Variants in EPS8L1 observed in about 807,000 individuals in gnomAD.
The protein encoded by EPS8L1 is EPS8 signaling adaptor L1.
In EPS8L1, 101 loss-of-function variants were observed where a neutral mutation model predicts 91.7. The ratio of observed to expected loss-of-function variants is 1.10; its 90% CI spans 0.94 to 1.30. EPS8L1 has a LOEUF of 1.30. Among genes scored for constraint, EPS8L1 ranks in the 50% most tolerant of loss-of-function variants. The pLI, the probability that EPS8L1 is intolerant of heterozygous loss-of-function variation, is 0.00. For synonymous variants in EPS8L1, 506 were observed against 445.3 expected, an observed-to-expected ratio of 1.14 and a Z score of -1.72; for missense variants, 1,114 against 1,017.0, an observed-to-expected ratio of 1.10 and a Z score of -1.30.
intron 2 of EPS8L1, among the ~76,000 whole-genome samples, chr19:55,077,092 G>A (rs2076147130): frequency 6.6e-6 from 1 of 152,132 alleles, no homozygotes; most frequent in South Asian, 2.1e-4. Flanking sequence ...TTCCCCTGAC[G>A]CCACCTGATC....
At position 55,086,485 on chromosome 19, in the gene EPS8L1, G is replaced by C. The variant is rs1366462213; in HGVS notation, c.1744G>C (p.Asp582His). Residue 582 changes from aspartate (D) to histidine (H), a missense_variant, in exon 17 of 20, where the codon GAT (aspartate) becomes CAT (histidine). Asp to His is a moderately conservative substitution (Grantham distance 81). Transcript: ENST00000201647. ...GGACAGGCCCCGCTGGGACAGCTGCGATAGCCTCAACGGCTTGGACCCCAG... is the reference window on the plus strand; with the variant it reads ...GGACAGGCCCCGCTGGGACAGCTGCCATAGCCTCAACGGCTTGGACCCCAG... ...RWDRPRWDSC[D>H]SLNGLDPSEK... 2 of 1,551,526 alleles carry C rather than the reference G, an allele frequency of 1.3e-6. No homozygotes were observed. The highest frequency in any genetic ancestry group is 1.4e-5 in the African/African-American group (1 of 73,058).
chr19:55,080,469 T>C (rs1038761800), intron 6 of EPS8L1, 191 bp downstream of exon 6: 16 of 1,613,064 alleles, frequency 9.9e-6, no homozygotes, highest in African/African-American at 4.0e-5. Flanking sequence ...AGGGTCAAGA[T>C]AGAACATGAA....
In EPS8L1 at chr19:55,086,819, C is replaced by G. The variant is rs768077956; in HGVS notation, c.1883C>G (p.Pro628Arg). 5 of 1,576,194 alleles carry G rather than the reference C, an allele frequency of 3.2e-6. No homozygotes were observed. The highest frequency in any genetic ancestry group is 4.3e-6 in the Non-Finnish European group (5 of 1,162,032). ...RAVPGPRAPE[P>R]QLSPGSDASE... ...GTCCCAGGGCCCCGCGCCCCGGAAC[C>G]GCAGCTCAGCCCGGGCTCGGACGCC... The change falls in exon 18 of 20, where the codon CCG (proline) becomes CGG (arginine). Residue 628 changes from proline (P) to arginine (R), a missense_variant. Transcript: ENST00000201647.
chr19:55,086,162 G>A lies in EPS8L1; in HGVS notation c.1620G>A (p.Leu540=), dbSNP rs1400165773. Residue 540 remains leucine, a synonymous_variant, in exon 16 of 20, where the codon CTG becomes CTA. Coordinates refer to ENST00000201647, the MANE Select transcript of EPS8L1 (RefSeq NM_133180.3). The stretch of plus-strand genomic sequence containing the variant: ...TGACACCCTACCCCGGACCCCGGCT[G>A]CACCACAGCCAAAGCCCTGCCCGCA... ...NILTPYPGPR[L]HHSQSPARSL... The A allele has an allele frequency of 1.2e-6, 2 of 1,603,756 alleles. No homozygotes were observed. The highest frequency in any genetic ancestry group is 3.4e-5 in the Admixed American group (2 of 59,270).
At chr19:55,087,163 G>A in intron 18 of EPS8L1, 140 bp from the exon 19 acceptor site, 2 of 1,298,388 alleles carry the variant, frequency 1.5e-6, no homozygotes. Flanking sequence ...TGGTGGGTGG[G>A]GTTCAGGAGG....
intron 14 of EPS8L1, among the ~76,000 whole-genome samples, chr19:55,085,165 G>A (rs1403202790): frequency 6.6e-6 from 1 of 151,936 alleles, no homozygotes; most frequent in Non-Finnish European, 1.5e-5. Flanking sequence ...AAGTGGTACA[G>A]AAGTGGTAGC....
In EPS8L1 at chr19:55,083,363, T is replaced by C. The variant is rs1470935345; in HGVS notation, c.1215-15T>C. 6.2e-7 allele frequency: 1 copy of C among 1,611,150 alleles called. No homozygotes were observed. Among genetic ancestry groups the C allele is most frequent in the African/African-American group, 1.3e-5 (1 of 74,994 alleles). ...ATCAGGATCCCTGAGCTCTTGGCCCTGTCCCTGGCCGCAGGCTGGAGCTGT... is the reference window on the plus strand; with the variant it reads ...ATCAGGATCCCTGAGCTCTTGGCCCCGTCCCTGGCCGCAGGCTGGAGCTGT... On this transcript the variant is annotated splice_polypyrimidine_tract_variant and intron_variant, in intron 12 of 19. Coordinates refer to ENST00000201647, the MANE Select transcript of EPS8L1 (RefSeq NM_133180.3). This position sits in a 1 kb window ranked among gnomAD's most constrained non-coding sequence, Gnocchi z 4.7.
At position 55,086,902 on chromosome 19, in the gene EPS8L1, G is replaced by C; in HGVS notation, c.1952+14G>C. 7.1e-7 allele frequency: 1 copy of C among 1,417,836 alleles called. No individual in the cohort carries two copies. Among genetic ancestry groups the C allele is most frequent in the Non-Finnish European group, 9.2e-7 (1 of 1,091,602 alleles). 87.8% of individuals were successfully genotyped at this position (1,417,836 alleles called of 1,614,324 possible). ...CTTTAGCTCCGGGTGAGTGGGGCCG[G>C]GGCCCTCTCGGCGCGGGTTGATACG... is the stretch of plus-strand genomic sequence containing the variant. On this transcript the variant is annotated intron_variant, in intron 18 of 19. Transcript: ENST00000201647.
In EPS8L1 at chr19:55,087,725, G is replaced by A; in HGVS notation, c.*111G>A. On this transcript the variant is annotated 3_prime_UTR_variant, in exon 20 of 20. Coordinates refer to ENST00000201647, the MANE Select transcript of EPS8L1 (RefSeq NM_133180.3). ...TCTGAAGGATGGCCAATCTGCTCCGGCCCTGGTCTTCCCCCATCCCGGTGG... is the reference window on the plus strand; with the variant it reads ...TCTGAAGGATGGCCAATCTGCTCCGACCCTGGTCTTCCCCCATCCCGGTGG... The A allele has an allele frequency of 9.0e-7, 1 of 1,115,496 alleles. No homozygotes were observed. The allele number at this position is 1,115,496 out of a possible 1,614,324, so 69.1% of individuals were successfully genotyped here.
At position 55,078,847 on chromosome 19, in the gene EPS8L1, G is replaced by A. The variant is rs2076190530; in HGVS notation, c.59-152G>A. Reference sequence around the variant, plus strand: ...TCCTGGGTTTGAGGGAGGAGGGGCTGGGGGCCTGGACTCCTGGGTCAGAGG... The same window carrying A: ...TCCTGGGTTTGAGGGAGGAGGGGCTAGGGGCCTGGACTCCTGGGTCAGAGG... On this transcript the variant is annotated intron_variant, in intron 3 of 19. Coordinates refer to ENST00000201647, the MANE Select transcript of EPS8L1 (RefSeq NM_133180.3). 6 of 511,822 alleles carry A rather than the reference G, an allele frequency of 1.2e-5. No homozygotes were observed. In the South Asian group the frequency reaches 1.2e-4, roughly 10 times the overall value. 31.7% of individuals were successfully genotyped at this position (511,822 alleles called of 1,614,324 possible).
intron 4 of EPS8L1, 158 bp from the exon 5 acceptor site, chr19:55,079,532 C>A: frequency 1.2e-6 from 1 of 818,318 alleles, no homozygotes; most frequent in Non-Finnish European, 1.9e-6. Context: ...AAACAAAGGG[C>A]ACTGGGAGGA....
At chr19:55,080,400 G>T in intron 6 of EPS8L1, 122 bp downstream of exon 6, 1 of 1,572,804 alleles carries the variant, frequency 6.4e-7, no homozygotes, top group Non-Finnish European at 8.6e-7. Context: ...TCAGAGCAAG[G>T]AAGGGCAGGG....
chr19:55,079,613 G>A (rs2076209413), intron 4 of EPS8L1, 77 bp from the exon 5 acceptor site: 1 of 1,528,814 alleles, frequency 6.5e-7, no homozygotes, highest in African/African-American at 1.4e-5. Flanking sequence ...CAGGCTGAAA[G>A]TCTGATTATT....
rs748184456 is a variant in EPS8L1, at chr19:55,082,265, C to T, written c.991-10C>T. 3 of 1,610,478 alleles carry T rather than the reference C, an allele frequency of 1.9e-6. No individual in the cohort carries two copies. The highest frequency in any genetic ancestry group is 1.7e-5 in the Admixed American group (1 of 59,734). Reference sequence around the variant, plus strand: ...CACCCACGCCAACCACCTCCCTCCCCACGCCCCAGGCCCGGCTGCGCGGCA... The same window carrying T: ...CACCCACGCCAACCACCTCCCTCCCTACGCCCCAGGCCCGGCTGCGCGGCA... On this transcript the variant is annotated splice_polypyrimidine_tract_variant and intron_variant, in intron 10 of 19. Coordinates refer to ENST00000201647, the MANE Select transcript of EPS8L1 (RefSeq NM_133180.3).
chr19:55,081,697 T>TGC lies in EPS8L1; in HGVS notation c.775-75_775-74dup. 6.5e-7 allele frequency: 1 copy of TGC among 1,537,086 alleles called. No individual in the cohort carries two copies. Among genetic ancestry groups the TGC allele is most frequent in the Non-Finnish European group, 8.8e-7 (1 of 1,140,716 alleles). ...GGCCTGATCTGGGGAAGTGTATAGG[T>TGC]GCTCAGGTTCAGGGCTTCGACGGGG... On this transcript the variant is annotated intron_variant, in intron 8 of 19. Coordinates refer to ENST00000201647, the MANE Select transcript of EPS8L1 (RefSeq NM_133180.3). This position sits in a 1 kb window ranked among gnomAD's most constrained non-coding sequence, Gnocchi z 4.9.
Position 55,083,631 on chromosome 19 carries a change from G to A in EPS8L1, c.1372G>A (p.Val458Ile), listed in dbSNP as rs749551506. ...CTTCCTACAGCAAAGCGCCCCCCAG[G>A]TCGCTGTCAATGGGTGAGTGTCCGC... ...RRRRQQSAPQ[V>I]AVNGHRDLEP... is the part of the protein sequence containing the mutation. The change falls in exon 14 of 20, where the codon GTC becomes ATC. Residue 458 changes from valine (V) to isoleucine (I), a missense_variant. Coordinates refer to ENST00000201647, the MANE Select transcript of EPS8L1 (RefSeq NM_133180.3). This position sits in a 1 kb window ranked among gnomAD's most constrained non-coding sequence, Gnocchi z 4.7. The A allele has an allele frequency of 1.8e-4, 293 of 1,595,100 alleles. 1 individual carries two copies. The highest frequency in any genetic ancestry group is 2.5e-4 in the Non-Finnish European group (290 of 1,171,424).
rs776727827 is a variant in EPS8L1 at position 55,085,964 on chromosome 19, C to A, written c.1509C>A (p.Asp503Glu). 1 of 1,612,974 alleles carries A rather than the reference C, an allele frequency of 6.2e-7. No homozygotes were observed. Among genetic ancestry groups the A allele is most frequent in the Admixed American group, 1.7e-5 (1 of 59,984 alleles). Residue 503 changes from aspartate to glutamate, a missense_variant, in exon 15 of 20, where the codon GAC (aspartate) becomes GAA (glutamate). Transcript: ENST00000201647. ...NSSELSVKQRDVLEVLDDSRK... is the reference protein window; with the variant it reads ...NSSELSVKQREVLEVLDDSRK... ...GTGAGCTGTCGGTCAAGCAGCGGGA[C>A]GTACTGGAGGTTAGAGGAGCGGGAG...
At position 55,080,111 on chromosome 19, in the gene EPS8L1, C is replaced by A; in HGVS notation, c.280-18C>A. 1 of 1,475,904 alleles carries A rather than the reference C, an allele frequency of 6.8e-7. No individual in the cohort carries two copies. Among genetic ancestry groups the A allele is most frequent in the Non-Finnish European group, 9.0e-7 (1 of 1,108,566 alleles). The allele number at this position is 1,475,904 out of a possible 1,614,324, so 91.4% of individuals were successfully genotyped here. ...ATCATTTCGGGGCCTCAGTTTACCC[C>A]GCCATCCCACCCGGCAGGAGGAGCT... On this transcript the variant is annotated intron_variant, in intron 5 of 19. Coordinates refer to ENST00000201647, the MANE Select transcript of EPS8L1 (RefSeq NM_133180.3).
In EPS8L1 at chr19:55,079,698, G is replaced by T. The variant is rs747814427; in HGVS notation, c.126G>T (p.Val42=). The T allele has an allele frequency of 3.0e-5, 48 of 1,613,746 alleles. No homozygotes were observed. In the East Asian group the frequency reaches 8.5e-4, roughly 28 times the overall value. Residue 42 remains valine (V), a synonymous_variant, in exon 5 of 20, where the codon GTG becomes GTT. Transcript: ENST00000201647. ...DVSQYPVNHL[V]TFCLGEDDGV... Reference sequence around the variant, plus strand: ...TCCATGGTCCGTACCAGCACCTGGTGACGTTCTGCCTGGGTGAGGACGATG... The same window carrying T: ...TCCATGGTCCGTACCAGCACCTGGTTACGTTCTGCCTGGGTGAGGACGATG...
Sources: gnomAD v4.1 joint callset for allele counts (sites outside exome capture counted in the v4.1 genomes callset) on GRCh38, gnomAD v4.1.1 for gene constraint, Gnocchi (gnomAD v3.1) non-coding constraint, MANE v1.5 for transcripts, NCBI Gene and HGNC (gene_info 2026-07-23, HGNC 2026-07-21) for gene names.